Variants in TRPC6 observed in about 807,000 individuals in gnomAD.
TRPC6 encodes transient receptor potential cation channel subfamily C member 6, also known as short transient receptor potential channel 6.
A neutral mutation model predicts 90.7 loss-of-function variants in TRPC6; 55 were observed. The observed-to-expected ratio is 0.61, with a 90% confidence interval of 0.49 to 0.76. TRPC6 has a LOEUF of 0.76. Ranked by LOEUF, TRPC6 falls within the 30% of genes least tolerant of loss-of-function variation. TRPC6 has a pLI of 0.00. For synonymous variants in TRPC6, 393 were observed against 393.0 expected, an observed-to-expected ratio of 1.00 and a Z score of 0.00; for missense variants, 989 against 1,122.7, an observed-to-expected ratio of 0.88 and a Z score of 1.70.
intron 1 of TRPC6, 48 bp downstream of exon 1, chr11:101,583,286 C>T (rs1048138380): frequency 6.5e-7 from 1 of 1,539,280 alleles, no homozygotes; most frequent in East Asian, 2.4e-5. Flanking sequence ...CGCACAACCT[C>T]CCTCCGCGCA....
chr11:101,553,234 A>G (rs1398818734), intron 1 of TRPC6, among the ~76,000 whole-genome samples: 4 of 152,150 alleles, frequency 2.6e-5, no homozygotes, highest in Non-Finnish European at 4.4e-5. Context: ...GAAACACTGA[A>G]GTTGACTGCA....
chr11:101,489,597 C>G (rs909995142), intron 3 of TRPC6, among the ~76,000 whole-genome samples: 10 of 151,456 alleles, frequency 6.6e-5, no homozygotes, highest in Admixed American at 6.6e-5. Flanking sequence ...TATTCTTGTG[C>G]CAAAAACTCT....
intron 1 of TRPC6, among the ~76,000 whole-genome samples, chr11:101,560,850 G>C (rs1349222084): frequency 1.3e-5 from 2 of 152,070 alleles, no homozygotes; most frequent in Non-Finnish European, 2.9e-5. Flanking sequence ...TATTATTAGA[G>C]CACAAAGATG....
intron 1 of TRPC6, among the ~76,000 whole-genome samples, chr11:101,521,890 C>T (rs113464143): frequency 0.015 from 2,328 of 152,302 alleles, 55 homozygotes; most frequent in African/African-American, 0.051. Flanking sequence ...GATTTCTCCC[C>T]TTTGGAACAG....
chr11:101,517,617 A>C (rs1860552805), intron 1 of TRPC6, among the ~76,000 whole-genome samples: 1 of 152,212 alleles, frequency 6.6e-6, no homozygotes. Flanking sequence ...TAATGATAGA[A>C]CCACAAGTTT....
chr11:101,479,027 G>C (rs1168271033), intron 5 of TRPC6, among the ~76,000 whole-genome samples: 2 of 152,012 alleles, frequency 1.3e-5, no homozygotes, highest in African/African-American at 4.8e-5. Context: ...CACTAAATGG[G>C]GCCCTCTGAA....
intron 1 of TRPC6, among the ~76,000 whole-genome samples, chr11:101,539,087 G>A (rs978975052): frequency 6.6e-6 from 1 of 152,318 alleles, no homozygotes; most frequent in South Asian, 2.1e-4. Context: ...ATTTGTGGCA[G>A]TGTTTTACAC....
intron 10 of TRPC6, among the ~76,000 whole-genome samples, chr11:101,465,443 T>A (rs763892844): frequency 3.3e-5 from 5 of 152,214 alleles, no homozygotes; most frequent in Non-Finnish European, 5.9e-5. Flanking sequence ...GTAGGTTTGG[T>A]CTTTCCACGT....
At chr11:101,512,947 G>A (rs7927852) in intron 1 of TRPC6, among the ~76,000 whole-genome samples, 75,706 of 151,870 alleles carry the variant, frequency 0.5, 19,352 homozygotes, top group African/African-American at 0.58. Flanking sequence ...AAGACAATCT[G>A]AAAAAACTTA....
At chr11:101,542,171 G>GACTATCCTTGAC (rs1861188106) in intron 1 of TRPC6, among the ~76,000 whole-genome samples, 1 of 152,138 alleles carries the variant, frequency 6.6e-6, no homozygotes, top group Non-Finnish European at 1.5e-5. Context: ...TTTGACTATT[G>GACTATCCTTGAC]TAATTTCAAG....
rs370692045 is a variant in TRPC6, at chr11:101,583,317, G to T, written c.170+17C>A. On this transcript the variant is annotated intron_variant, in intron 1 of 12. Coordinates refer to ENST00000344327, the MANE Select transcript of TRPC6 (RefSeq NM_004621.6). ...GCGCAGCCCGCGCCCGATCCGCCCC[G>T]CGTCGCCGGCACTCACAAGCAGGGG... 2.2e-5 allele frequency: 34 copies of T among 1,567,716 alleles called. No homozygotes were observed. In the African/African-American group the frequency reaches 4.2e-4, roughly 19 times the overall value.
chr11:101,473,913 A>G (rs1233590703), intron 6 of TRPC6, 140 bp from the exon 7 acceptor site: 1 of 1,138,136 alleles, frequency 8.8e-7, no homozygotes, highest in African/African-American at 1.6e-5. Flanking sequence ...GGGCTTCTTA[A>G]GTGTCTGCTA....
intron 8 of TRPC6, among the ~76,000 whole-genome samples, 188 bp from the exon 9 acceptor site, chr11:101,471,574 T>C (rs1859293011): frequency 6.6e-6 from 1 of 152,222 alleles, no homozygotes; most frequent in African/African-American, 2.4e-5. Flanking sequence ...GTCTAAAATT[T>C]TGACAGTCTT....
chr11:101,492,955 G>C (rs988253641), intron 2 of TRPC6, among the ~76,000 whole-genome samples: 1 of 152,176 alleles, frequency 6.6e-6, no homozygotes, highest in Non-Finnish European at 1.5e-5. Context: ...TTGTAGTTTT[G>C]TAGTTTGTTG....
At chr11:101,565,679 A>C (rs983693117) in intron 1 of TRPC6, among the ~76,000 whole-genome samples, 1 of 152,100 alleles carries the variant, frequency 6.6e-6, no homozygotes, top group South Asian at 2.1e-4. Context: ...TATATTAAGA[A>C]TAGCACCTTG....
chr11:101,566,553 T>C (rs1467557214), intron 1 of TRPC6, among the ~76,000 whole-genome samples: 1 of 152,194 alleles, frequency 6.6e-6, no homozygotes, highest in Non-Finnish European at 1.5e-5. Context: ...AGATCAAGAA[T>C]ATATCACCCA....
intron 2 of TRPC6, 126 bp downstream of exon 2, chr11:101,503,898 G>T: frequency 8.3e-7 from 1 of 1,205,196 alleles, no homozygotes; most frequent in Non-Finnish European, 1.2e-6. Flanking sequence ...AGAGCTTGTT[G>T]AATAAACTTA....
chr11:101,512,781 C>CTTTGTAATTGTAATAT (rs1860424725), intron 1 of TRPC6, among the ~76,000 whole-genome samples: 1 of 152,104 alleles, frequency 6.6e-6, no homozygotes, highest in Non-Finnish European at 1.5e-5. Flanking sequence ...TTTGTAATAC[C>CTTTGTAATTGTAATAT]AGCAAACTAT....
rs181238476 is a variant in TRPC6, at chr11:101,526,166, C to T, written c.171-21368G>A. Among the ~76,000 whole-genome samples, 109 of 152,282 alleles carry T rather than the reference C, an allele frequency of 7.2e-4. 2 individuals carry two copies. In the East Asian group the frequency reaches 0.02, roughly 27 times the overall value. ...AAAGGGTATAAATATGAATCTCTCTCTCTCTCTTTGTCCTTCTCTTTTTAA... is the reference window on the plus strand; with the variant it reads ...AAAGGGTATAAATATGAATCTCTCTTTCTCTCTTTGTCCTTCTCTTTTTAA... On this transcript the variant is annotated intron_variant, in intron 1 of 12. Coordinates refer to ENST00000344327, the MANE Select transcript of TRPC6 (RefSeq NM_004621.6).
Sources: gnomAD v4.1 joint callset for allele counts (sites outside exome capture counted in the v4.1 genomes callset) on GRCh38, gnomAD v4.1.1 for gene constraint, MANE v1.5 for transcripts, NCBI Gene and HGNC (gene_info 2026-07-23, HGNC 2026-07-21) for gene names.